TMEM163: variants seen among roughly 807,000 people sequenced by gnomAD.
TMEM163 encodes transmembrane protein 163.
A neutral mutation model predicts 29.3 loss-of-function variants in TMEM163; 17 were observed. The ratio of observed to expected loss-of-function variants is 0.58; its 90% CI spans 0.40 to 0.87. The LOEUF is 0.87. Among genes scored for constraint, TMEM163 ranks in the 40% least tolerant of loss-of-function variants. TMEM163 has a pLI of 0.00. For synonymous variants in TMEM163, 157 were observed against 160.6 expected, an observed-to-expected ratio of 0.98 and a Z score of 0.17; for missense variants, 303 against 381.5, an observed-to-expected ratio of 0.79 and a Z score of 1.71.
chr2:134,716,061 T>C (rs1685031566), intron 1 of TMEM163, among the ~76,000 whole-genome samples: 1 of 152,170 alleles, frequency 6.6e-6, no homozygotes, highest in African/African-American at 2.4e-5. Context: ...CCTAAGTTTG[T>C]CAAGCTTGAA....
intron 5 of TMEM163, among the ~76,000 whole-genome samples, chr2:134,470,950 A>T (rs71417514): frequency 0.036 from 5,447 of 152,288 alleles, 157 homozygotes; most frequent in South Asian, 0.13. Flanking sequence ...GGCGGGAAGA[A>T]CACTTGAAGC....
chr2:134,664,881 A>G (rs987276331), intron 2 of TMEM163, among the ~76,000 whole-genome samples: 5 of 151,206 alleles, frequency 3.3e-5, no homozygotes, highest in Non-Finnish European at 5.9e-5. Context: ...GTTTTGTTTT[A>G]TTTTGTTTTG....
chr2:134,592,083 G>A (rs1453615297), intron 2 of TMEM163, among the ~76,000 whole-genome samples: 1 of 152,162 alleles, frequency 6.6e-6, no homozygotes, highest in East Asian at 1.9e-4. Flanking sequence ...GGCCATAAGT[G>A]GATTCAAAGA....
intron 4 of TMEM163, among the ~76,000 whole-genome samples, chr2:134,509,729 C>T (rs1239321065): frequency 6.6e-6 from 1 of 152,204 alleles, no homozygotes; most frequent in Non-Finnish European, 1.5e-5. Flanking sequence ...CAGTCCATCA[C>T]TTGTGAATGT....
intron 6 of TMEM163, among the ~76,000 whole-genome samples, chr2:134,465,204 C>CAA (rs1317053767): frequency 4.3e-4 from 50 of 115,330 alleles, no homozygotes; most frequent in Non-Finnish European, 2.4e-4. Flanking sequence ...AAAAAAAAAA[C>CAA]AAAAACAAAA....
intron 2 of TMEM163, among the ~76,000 whole-genome samples, chr2:134,570,377 G>A (rs1040803121): frequency 6.6e-6 from 1 of 152,102 alleles, no homozygotes; most frequent in Admixed American, 6.5e-5. Flanking sequence ...TCCATTAGGT[G>A]ACAATCAGGT....
At chr2:134,619,918 A>G (rs56321858) in intron 2 of TMEM163, among the ~76,000 whole-genome samples, 13,087 of 152,306 alleles carry the variant, frequency 0.086, 635 homozygotes, top group South Asian at 0.16. Context: ...AAATGAAATT[A>G]ACAATCCCAT....
At chr2:134,496,736 C>T (rs1679572276) in intron 5 of TMEM163, among the ~76,000 whole-genome samples, 1 of 152,206 alleles carries the variant, frequency 6.6e-6, no homozygotes, top group Admixed American at 6.5e-5. Flanking sequence ...GGGAACCTTA[C>T]TAATTAAGAC....
intron 2 of TMEM163, among the ~76,000 whole-genome samples, chr2:134,691,015 C>T (rs1684452374): frequency 6.6e-6 from 1 of 152,174 alleles, no homozygotes; most frequent in African/African-American, 2.4e-5. Context: ...AGGTCCCACA[C>T]TCCAGGCGCT....
chr2:134,564,421 G>A (rs1320268448), intron 2 of TMEM163, among the ~76,000 whole-genome samples: 1 of 152,160 alleles, frequency 6.6e-6, no homozygotes, highest in East Asian at 1.9e-4. Context: ...GTTAACATAG[G>A]AGAGGTCTGA....
intron 2 of TMEM163, among the ~76,000 whole-genome samples, chr2:134,588,909 T>C (rs1055456158): frequency 1.1e-4 from 17 of 152,066 alleles, no homozygotes; most frequent in African/African-American, 4.1e-4. Context: ...GTAGAGTTCA[T>C]GAAGAGCAGC....
chr2:134,632,035 G>A (rs1397053997), intron 2 of TMEM163, among the ~76,000 whole-genome samples: 1 of 152,186 alleles, frequency 6.6e-6, no homozygotes, highest in Middle Eastern at 3.2e-3. Context: ...AAAGTCATAT[G>A]GAGGCTCAAA....
chr2:134,639,769 C>T (rs1683187145), intron 2 of TMEM163, among the ~76,000 whole-genome samples: 1 of 152,194 alleles, frequency 6.6e-6, no homozygotes, highest in Admixed American at 6.5e-5. Flanking sequence ...ACTTTTCAAA[C>T]CACCGTTGAC....
chr2:134,671,472 A>G (rs887088908), intron 2 of TMEM163, among the ~76,000 whole-genome samples: 6 of 152,206 alleles, frequency 3.9e-5, no homozygotes, highest in African/African-American at 1.4e-4. Flanking sequence ...CTACAGGAAC[A>G]CTGACCTCCC....
At chr2:134,663,316 G>A (rs534478401) in intron 2 of TMEM163, among the ~76,000 whole-genome samples, 1 of 152,272 alleles carries the variant, frequency 6.6e-6, no homozygotes, top group South Asian at 2.1e-4. Flanking sequence ...AGGCCTGCTG[G>A]GTGGACCCCA....
chr2:134,584,799 G>A (rs1681776374), intron 2 of TMEM163, among the ~76,000 whole-genome samples: 1 of 152,144 alleles, frequency 6.6e-6, no homozygotes, highest in African/African-American at 2.4e-5. Flanking sequence ...TATCCACAAT[G>A]TGCCAGGTAC....
chr2:134,504,320 A>G (rs1679768603), intron 4 of TMEM163, among the ~76,000 whole-genome samples: 1 of 152,160 alleles, frequency 6.6e-6, no homozygotes, highest in Non-Finnish European at 1.5e-5. Flanking sequence ...CGCAGGTTGG[A>G]GCAAAACACA....
At chr2:134,675,590 GA>G (rs201033571) in intron 2 of TMEM163, among the ~76,000 whole-genome samples, 4 of 149,724 alleles carry the variant, frequency 2.7e-5, no homozygotes, top group Non-Finnish European at 5.9e-5. Context: ...TTCCCTGTCT[GA>G]AAAAAAAATG....
intron 6 of TMEM163, among the ~76,000 whole-genome samples, chr2:134,462,292 C>T (rs988737995): frequency 6.6e-6 from 1 of 152,164 alleles, no homozygotes; most frequent in Non-Finnish European, 1.5e-5. Context: ...CCCAGGCCTC[C>T]CTCTGCTCAG....
Sources: allele counts gnomAD v4.1 joint callset (sites outside exome capture counted in the v4.1 genomes callset), GRCh38; gene constraint gnomAD v4.1.1; transcripts MANE v1.5; gene names NCBI Gene and HGNC (gene_info 2026-07-23, HGNC 2026-07-21).